The following SURF2 variants were observed in gnomAD, a reference collection of about 807,000 sequenced individuals.
The protein encoded by SURF2 is surfeit locus protein 2.
SURF2 carries 32 observed loss-of-function variants against 26.2 expected under a neutral mutation model. That is an observed-to-expected ratio of 1.22 (90% CI 0.92 to 1.64). The LOEUF is 1.64. Among genes scored for constraint, SURF2 ranks in the 40% most tolerant of loss-of-function variants. SURF2 has a pLI of 0.00. For synonymous variants in SURF2, 173 were observed against 139.1 expected (o/e 1.24, Z -1.71); for missense variants, 415 against 341.6 (o/e 1.21, Z -1.69).
Position 133,356,646 on chromosome 9 carries a change from G to T in SURF2, c.54G>T (p.Leu18=). 1 of 1,527,304 alleles carries T rather than the reference G, an allele frequency of 6.5e-7. No individual in the cohort carries two copies. Among genetic ancestry groups the T allele is most frequent in the East Asian group, 2.5e-5 (1 of 39,866 alleles). The allele number at this position is 1,527,304 out of a possible 1,614,324, so 94.6% of individuals were successfully genotyped here. ...VRAFLREHPS[L]RLQTDARKVR... is the part of the protein sequence containing the mutation. ...CGTTTCTGCGGGAGCACCCGAGCCT[G>T]CGGCTCCAGACGGACGCCCGCAAGG... Residue 18 remains leucine (L), a synonymous_variant, in exon 1 of 6, where the codon CTG becomes CTT. Transcript: ENST00000371964.
chr9:133,360,323 CT>C lies in SURF2; in HGVS notation c.581del (p.Leu194Ter). On this transcript the variant is annotated frameshift_variant, in exon 5 of 6. Coordinates refer to ENST00000371964, the MANE Select transcript of SURF2 (RefSeq NM_017503.5). LOFTEE classifies it high-confidence loss of function. The part of the protein sequence containing the change: ...STEDGDGTDD[F>X]LTDKEDEKAK... ...CGGAGGATGGGGATGGCACTGATGACTTTTTGACAGACAAAGAGGATGAGAA... is the reference window on the plus strand; with the variant it reads ...CGGAGGATGGGGATGGCACTGATGACTTTTGACAGACAAAGAGGATGAGAA... 1 of 1,614,136 alleles carries C rather than the reference CT, an allele frequency of 6.2e-7. No individual in the cohort carries two copies. Among genetic ancestry groups the C allele is most frequent in the Non-Finnish European group, 8.5e-7 (1 of 1,180,040 alleles).
chr9:133,356,836 A>C (rs1836612742), intron 1 of SURF2, 78 bp from the exon 2 acceptor site: 5 of 1,443,832 alleles, frequency 3.5e-6, no homozygotes, highest in Non-Finnish European at 9.2e-7. Flanking sequence ...GAGGAGAGGG[A>C]AGGGGGCGCG....
intron 5 of SURF2, among the ~76,000 whole-genome samples, 185 bp from the exon 6 acceptor site, chr9:133,360,871 C>T (rs1028886707): frequency 2.6e-5 from 4 of 152,242 alleles, no homozygotes; most frequent in Admixed American, 2.6e-4. Context: ...GCACTGTACT[C>T]CTCTGAGGCC....
chr9:133,361,099 G>A lies in SURF2; in HGVS notation c.731G>A (p.Arg244His), dbSNP rs2130057665. Residue 244 changes from arginine (R) to histidine (H), a missense_variant, in exon 6 of 6, where the codon CGC becomes CAC. Physicochemically the swap from Arg to His is conservative, Grantham distance 29. Transcript: ENST00000371964. ...SLKKKFKSHH[R>H]KPKSFSSCKQ... ...AAAAAGAAGTTCAAGAGTCATCACC[G>A]CAAACCCAAGAGCTTCAGCTCCTGT... The A allele has an allele frequency of 1.3e-5, 21 of 1,614,026 alleles. No homozygotes were observed. The Admixed American group carries it at 2.0e-4, about 15-fold the overall frequency.
chr9:133,357,327 A>G (rs1836633724), intron 2 of SURF2: 2 of 518,744 alleles, frequency 3.9e-6, no homozygotes, highest in Non-Finnish European at 3.4e-6. Flanking sequence ...GAGGTTGTGA[A>G]CAGCGTTGGG....
Position 133,360,404 on chromosome 9 carries a change from G to T in SURF2, c.657G>T (p.Val219=). 1 of 1,612,158 alleles carries T rather than the reference G, an allele frequency of 6.2e-7. No homozygotes were observed. The highest frequency in any genetic ancestry group is 2.2e-5 in the East Asian group (1 of 44,878). ...ATDEGRRETT[V]YRGLVQKRGK... is the part of the protein sequence containing the mutation. ...ATGAGGGCAGGAGAGAGACGACCGT[G>T]TACCGAGGGCTGGTCCAGAAGCGCG... Residue 219 remains valine (V), a synonymous_variant, in exon 5 of 6, where the codon GTG becomes GTT. Transcript: ENST00000371964.
Position 133,356,570 on chromosome 9 carries a change from G to GA in SURF2, c.-23_-22insA, listed in dbSNP as rs1564351743. On this transcript the variant is annotated 5_prime_UTR_variant, in exon 1 of 6. Transcript: ENST00000371964. Reference sequence around the variant, plus strand: ...AGGTTCTGCGAGCGGCTTCCGCCGGGCTGCTCCGCGGGCGCGTCGGCCATG... The same window carrying GA: ...AGGTTCTGCGAGCGGCTTCCGCCGGGACTGCTCCGCGGGCGCGTCGGCCATG... 30 of 1,514,810 alleles carry GA rather than the reference G, an allele frequency of 2.0e-5. No homozygotes were observed. The highest frequency in any genetic ancestry group is 2.5e-5 in the Non-Finnish European group (29 of 1,139,114). 93.8% of individuals were successfully genotyped at this position (1,514,810 alleles called of 1,614,324 possible). A position where few individuals can be genotyped will look rare whatever the true frequency, so the allele number is the denominator to read the frequency against.
chr9:133,360,252 G>A lies in SURF2; in HGVS notation c.518-13G>A, dbSNP rs2130049388. On this transcript the variant is annotated splice_polypyrimidine_tract_variant and intron_variant, in intron 4 of 5. Transcript: ENST00000371964. ...CTAAAATAACTGTCAGCCAATCCCT[G>A]TGTTCCTCCCAGCTGAGCTATTCAC... 1.2e-6 allele frequency: 2 copies of A among 1,612,502 alleles called. No homozygotes were observed. Among genetic ancestry groups the A allele is most frequent in the African/African-American group, 2.7e-5 (2 of 74,842 alleles).
chr9:133,357,163 T>C (rs1836629676), intron 2 of SURF2, 95 bp downstream of exon 2: 1 of 1,382,096 alleles, frequency 7.2e-7, no homozygotes. Flanking sequence ...TCTTTCAGAG[T>C]TGGGAGCCCT....
chr9:133,360,193 C>A, intron 4 of SURF2, 64 bp downstream of exon 4: 1 of 1,592,242 alleles, frequency 6.3e-7, no homozygotes, highest in Non-Finnish European at 8.6e-7. Context: ...GACTGTGGTG[C>A]TGCCTCCCCT....
chr9:133,357,632 G>C lies in SURF2; in HGVS notation c.234-79G>C. On this transcript the variant is annotated intron_variant, in intron 2 of 5. Transcript: ENST00000371964. ...CCAAGCCGCATGGTAGACTGTCCAGGGATGAGTCCAAGACACAGCCACCAG... is the reference window on the plus strand; with the variant it reads ...CCAAGCCGCATGGTAGACTGTCCAGCGATGAGTCCAAGACACAGCCACCAG... 4 of 1,375,950 alleles carry C rather than the reference G, an allele frequency of 2.9e-6. No homozygotes were observed. In the South Asian group the frequency reaches 4.8e-5, roughly 16 times the overall value. The allele number at this position is 1,375,950 out of a possible 1,614,324, so 85.2% of individuals were successfully genotyped here.
chr9:133,360,980 G>A (rs981866208), intron 5 of SURF2, 76 bp from the exon 6 acceptor site: 1 of 1,474,858 alleles, frequency 6.8e-7, no homozygotes, highest in East Asian at 2.3e-5. Context: ...TGTGGGTGGG[G>A]AGAGCCCTGC....
intron 1 of SURF2, 46 bp from the exon 2 acceptor site, chr9:133,356,868 C>T (rs1836614372): frequency 1.3e-6 from 2 of 1,500,218 alleles, no homozygotes; most frequent in East Asian, 2.5e-5. Flanking sequence ...CACCAGGGAG[C>T]GGAGCCCTGG....
intron 5 of SURF2, 151 bp from the exon 6 acceptor site, chr9:133,360,905 C>T (rs2130055294): frequency 1.6e-5 from 12 of 770,802 alleles, no homozygotes; most frequent in Non-Finnish European, 2.4e-5. Context: ...TCTAATCCTG[C>T]AGCTGTTAAG....
Position 133,360,144 on chromosome 9 carries a change from C to CT in SURF2, c.517+15_517+16insT. On this transcript the variant is annotated intron_variant, in intron 4 of 5. Transcript: ENST00000371964. Reference sequence around the variant, plus strand: ...CCTGTACCCACGTAAGCAGAACAGGCCCTGCTTCTCCCTGACCCTCTACTG... The same window carrying CT: ...CCTGTACCCACGTAAGCAGAACAGGCTCCTGCTTCTCCCTGACCCTCTACTG... The CT allele has an allele frequency of 2.5e-6, 4 of 1,591,720 alleles. No homozygotes were observed.
rs2130049624 is a variant in SURF2, at chr9:133,360,269, G to A, written c.522G>A (p.Glu174=). The A allele has an allele frequency of 1.2e-6, 2 of 1,613,748 alleles. No homozygotes were observed. Among genetic ancestry groups the A allele is most frequent in the East Asian group, 2.2e-5 (1 of 44,874 alleles). The change falls in exon 5 of 6, where the codon GAG becomes GAA. Residue 174 remains glutamate, a synonymous_variant. Transcript: ENST00000371964. ...CAATCCCTGTGTTCCTCCCAGCTGA[G>A]CTATTCACCAGAAAGGACCTTGGAA... ...DDSMTDLYPP[E]LFTRKDLGST...
intron 3 of SURF2, 83 bp downstream of exon 3, chr9:133,357,897 G>GGTC: frequency 7.2e-7 from 1 of 1,390,070 alleles, no homozygotes; most frequent in Admixed American, 1.9e-5. Context: ...CTTGAAGGCA[G>GGTC]GTCGTCCTTC....
chr9:133,360,737 G>T (rs2130054071), intron 5 of SURF2, among the ~76,000 whole-genome samples: 10 of 152,206 alleles, frequency 6.6e-5, no homozygotes. Context: ...TGGGCACAGG[G>T]ACCTGATTAC....
intron 2 of SURF2, 92 bp downstream of exon 2, chr9:133,357,160 G>C (rs1041784449): frequency 1.4e-6 from 2 of 1,390,170 alleles, no homozygotes; most frequent in South Asian, 1.6e-5. Flanking sequence ...TACTCTTTCA[G>C]AGTTGGGAGC....
Sources: gnomAD v4.1 joint callset for allele counts (sites outside exome capture counted in the v4.1 genomes callset) on GRCh38, gnomAD v4.1.1 for gene constraint, MANE v1.5 for transcripts, NCBI Gene and HGNC (gene_info 2026-07-23, HGNC 2026-07-21) for gene names.